The following CSRP2 variants were observed in gnomAD, a reference collection of about 807,000 sequenced individuals.
CSRP2 encodes cysteine and glycine rich protein 2, also known as cysteine and glycine-rich protein 2.
Under a neutral mutation model 24.6 loss-of-function variants are expected in CSRP2, and 18 were observed. That is an observed-to-expected ratio of 0.73 (90% CI 0.51 to 1.09). The LOEUF (loss-of-function observed/expected upper bound fraction) is 1.09, where lower values mean the gene tolerates loss of function less well. Among genes scored for constraint, CSRP2 ranks in the 50% least tolerant of loss-of-function variants. CSRP2 has a pLI of 0.00. For synonymous variants in CSRP2, 87 were observed against 84.3 expected (o/e 1.03, Z -0.18); for missense variants, 215 against 239.4 (o/e 0.90, Z 0.67).
chr12:76,865,914 G>A (rs1953730105), intron 2 of CSRP2: 1 of 531,426 alleles, frequency 1.9e-6, no homozygotes, highest in Non-Finnish European at 3.4e-6. Flanking sequence ...ACAAAATAAA[G>A]GCCAAAATGG....
chr12:76,861,830 A>G (rs1173133472), intron 3 of CSRP2: 1 of 152,186 alleles, frequency 6.6e-6, no homozygotes, highest in African/African-American at 2.4e-5. Context: ...TACTCTAAGG[A>G]TTATACAGAA....
chr12:76,868,835 A>G (rs1436628109), intron 1 of CSRP2, among the ~76,000 whole-genome samples: 3 of 150,946 alleles, frequency 2.0e-5, no homozygotes. Flanking sequence ...CAGGAGGCTG[A>G]GGCAGGAGAA....
At chr12:76,866,018 A>G (rs1445332524) in intron 2 of CSRP2, 131 bp downstream of exon 2, 2 of 677,728 alleles carry the variant, frequency 3.0e-6, no homozygotes, top group Non-Finnish European at 5.1e-6. Context: ...AACATCTAAG[A>G]AGACAGGTAA....
chr12:76,874,599 G>A (rs1953835440), intron 1 of CSRP2, among the ~76,000 whole-genome samples: 1 of 152,142 alleles, frequency 6.6e-6, no homozygotes, highest in African/African-American at 2.4e-5. Context: ...TTAGGTCAAG[G>A]GTTCCAACCC....
intron 1 of CSRP2, among the ~76,000 whole-genome samples, chr12:76,878,592 GA>G (rs982239136): frequency 3.9e-5 from 6 of 152,252 alleles, no homozygotes; most frequent in African/African-American, 1.4e-4. Context: ...CGGATTAGCA[GA>G]AACGCGAAAC....
At chr12:76,859,413 C>T in intron 5 of CSRP2, 134 bp downstream of exon 5, 2 of 644,426 alleles carry the variant, frequency 3.1e-6, no homozygotes, top group Middle Eastern at 2.6e-4. Context: ...CATCTATAAG[C>T]ATCTTGGGAT....
chr12:76,863,357 AAGTT>A lies in CSRP2; in HGVS notation c.113-17_113-14del, dbSNP rs887267997. On this transcript the variant is annotated splice_polypyrimidine_tract_variant and intron_variant, in intron 2 of 5. Transcript: ENST00000311083. ...TTCCTGCAAACCACTGCAGGGGAAA[AAGTT>A]AGACTTTACACATGTTCCAAAGATG... is the stretch of plus-strand genomic sequence containing the variant. 2.5e-6 allele frequency: 4 copies of A among 1,613,082 alleles called. No homozygotes were observed. Among genetic ancestry groups the A allele is most frequent in the Non-Finnish European group, 3.4e-6 (4 of 1,179,606 alleles).
chr12:76,875,489 T>A (rs1592514839), intron 1 of CSRP2, among the ~76,000 whole-genome samples: 1 of 152,210 alleles, frequency 6.6e-6, no homozygotes, highest in African/African-American at 2.4e-5. Context: ...ATCCCCAACA[T>A]CTGCCATAGC....
chr12:76,860,539 G>T, intron 3 of CSRP2, 126 bp from the exon 4 acceptor site: 1 of 1,096,332 alleles, frequency 9.1e-7, no homozygotes, highest in Non-Finnish European at 1.3e-6. Context: ...AGCCTTTGCA[G>T]GCCAGCACAG....
intron 4 of CSRP2, 25 bp downstream of exon 4, chr12:76,860,259 T>C: frequency 6.2e-7 from 1 of 1,609,058 alleles, no homozygotes; most frequent in Non-Finnish European, 8.5e-7. Context: ...TCATTTGCTG[T>C]TATTAATTCC....
intron 1 of CSRP2, among the ~76,000 whole-genome samples, chr12:76,871,579 G>A (rs999737744): frequency 9.2e-5 from 14 of 152,050 alleles, no homozygotes; most frequent in African/African-American, 9.7e-5. Context: ...GACCATCCTG[G>A]CTAACACGGT....
At chr12:76,861,392 G>A (rs1193399374) in intron 3 of CSRP2, 1 of 149,412 alleles carries the variant, frequency 6.7e-6, no homozygotes. Context: ...AAAAAAAGGA[G>A]GGTTCACTGG....
intron 1 of CSRP2, among the ~76,000 whole-genome samples, chr12:76,869,235 C>T (rs1953767294): frequency 6.6e-6 from 1 of 152,100 alleles, no homozygotes; most frequent in Non-Finnish European, 1.5e-5. Context: ...CCGCTCCCAC[C>T]AGGCCTTTTT....
chr12:76,863,424 C>A, intron 2 of CSRP2, 80 bp from the exon 3 acceptor site: 1 of 1,425,966 alleles, frequency 7.0e-7, no homozygotes, highest in Non-Finnish European at 9.6e-7. Context: ...AGACACATGG[C>A]CTACAAATGG....
chr12:76,866,801 A>G (rs1403487789), intron 1 of CSRP2, among the ~76,000 whole-genome samples: 1 of 152,160 alleles, frequency 6.6e-6, no homozygotes, highest in Non-Finnish European at 1.5e-5. Flanking sequence ...CAAGTTTTAT[A>G]TTTGTTTGCT....
chr12:76,862,666 G>A, intron 3 of CSRP2: 3 of 1,113,004 alleles, frequency 2.7e-6, no homozygotes, highest in Non-Finnish European at 3.5e-6. Context: ...AGCCTTTAAA[G>A]TTTAACACTA....
chr12:76,870,697 AT>A lies in CSRP2; in HGVS notation c.-1-4437del, dbSNP rs983228951. Among the ~76,000 whole-genome samples, 786 of 144,980 alleles carry A rather than the reference AT, an allele frequency of 5.4e-3. 6 individuals carry two copies. Among genetic ancestry groups the A allele is most frequent in the African/African-American group, 0.015 (581 of 39,834 alleles). On this transcript the variant is annotated intron_variant, in intron 1 of 5. Coordinates refer to ENST00000311083, the MANE Select transcript of CSRP2 (RefSeq NM_001321.3). The stretch of plus-strand genomic sequence containing the variant: ...GTCAGAAAGCTTCAGTTGGATTTAC[AT>A]TTTTTTTTTTTTAAGATGGTTAGGG...
At chr12:76,870,966 A>T (rs1362154001) in intron 1 of CSRP2, among the ~76,000 whole-genome samples, 5 of 93,252 alleles carry the variant, frequency 5.4e-5, no homozygotes, top group Admixed American at 1.7e-4. Flanking sequence ...GAGCAAGATG[A>T]CCCTGTCTCA....
At chr12:76,875,532 TAATTA>T (rs898287529) in intron 1 of CSRP2, among the ~76,000 whole-genome samples, 1 of 152,234 alleles carries the variant, frequency 6.6e-6, no homozygotes, top group Admixed American at 6.5e-5. Context: ...ACAAGTTATT[TAATTA>T]TTCAAACAAT....
Sources: allele counts gnomAD v4.1 joint callset (sites outside exome capture counted in the v4.1 genomes callset), GRCh38; gene constraint gnomAD v4.1.1; transcripts MANE v1.5; gene names NCBI Gene and HGNC (gene_info 2026-07-23, HGNC 2026-07-21).